Variants in CC2D2B observed in about 807,000 individuals in gnomAD.
The protein encoded by CC2D2B is protein CC2D2B.
Under a neutral mutation model 161.2 loss-of-function variants are expected in CC2D2B, and 128 were observed. The ratio of observed to expected loss-of-function variants is 0.79; its 90% CI spans 0.69 to 0.92. The LOEUF (loss-of-function observed/expected upper bound fraction) is 0.92, where lower values mean the gene tolerates loss of function less well. Ranked by LOEUF, CC2D2B falls within the 40% of genes least tolerant of loss-of-function variation. CC2D2B has a pLI of 0.00. For synonymous variants in CC2D2B, 391 were observed against 449.8 expected (o/e 0.87, Z 1.65); for missense variants, 1,173 against 1,375.1 (o/e 0.85, Z 2.32).
chr10:95,978,088 A>G (rs995276790), intron 17 of CC2D2B, among the ~76,000 whole-genome samples: 3 of 152,118 alleles, frequency 2.0e-5, no homozygotes, highest in Non-Finnish European at 2.9e-5. Context: ...TGTATCTTTA[A>G]CCTTAATAAA....
chr10:95,995,840 T>C (rs1342277840), intron 23 of CC2D2B, among the ~76,000 whole-genome samples: 1 of 152,268 alleles, frequency 6.6e-6, no homozygotes, highest in East Asian at 1.9e-4. Flanking sequence ...TGAATAATTT[T>C]CATACCTTAA....
chr10:95,927,214 C>A (rs548846364), intron 5 of CC2D2B, 23 bp from the exon 6 acceptor site: 12 of 1,333,914 alleles, frequency 9.0e-6, no homozygotes, highest in Non-Finnish European at 1.3e-5. Flanking sequence ...TTTATTTCAA[C>A]ACTAAATACT....
intron 24 of CC2D2B, 66 bp from the exon 25 acceptor site, chr10:96,004,086 G>C: frequency 1.1e-6 from 1 of 887,926 alleles, no homozygotes; most frequent in South Asian, 1.7e-5. Context: ...TTTATGAATA[G>C]TGCTCTTAGG....
chr10:96,024,872 T>C lies in CC2D2B; in HGVS notation c.3908T>C (p.Phe1303Ser). Residue 1303 changes from phenylalanine to serine, a missense_variant, in exon 33 of 35, where the codon TTT becomes TCT. Transcript: ENST00000646931. The part of the protein sequence containing the change: ...QSIQPEEIIY[F>S]ETDKSMVEDL... ...TTTCAGCCTGAAGAAATAATTTATTTTGAAACTGATAAAAGCATGGTAGAA... is the reference window on the plus strand; with the variant it reads ...TTTCAGCCTGAAGAAATAATTTATTCTGAAACTGATAAAAGCATGGTAGAA... The C allele has an allele frequency of 2.6e-6, 4 of 1,526,152 alleles. No individual in the cohort carries two copies. The highest frequency in any genetic ancestry group is 2.5e-5 in the East Asian group (1 of 40,452). The allele number at this position is 1,526,152 out of a possible 1,614,324, so 94.5% of individuals were successfully genotyped here. A position where few individuals can be genotyped will look rare whatever the true frequency, so the allele number is the denominator to read the frequency against.
chr10:95,937,484 A>G (rs2141263549), intron 6 of CC2D2B, among the ~76,000 whole-genome samples: 1 of 151,904 alleles, frequency 6.6e-6, no homozygotes, highest in Middle Eastern at 3.4e-3. Flanking sequence ...TTTCACTATA[A>G]TCACTCTACT....
At chr10:95,950,129 G>A in intron 10 of CC2D2B, 24 bp downstream of exon 10, 1 of 398,574 alleles carries the variant, frequency 2.5e-6, no homozygotes, top group Non-Finnish European at 4.4e-6. Flanking sequence ...TCATTATAAA[G>A]CTAAACATTT....
chr10:96,009,422 G>A (rs2078891351), intron 25 of CC2D2B, among the ~76,000 whole-genome samples: 1 of 151,986 alleles, frequency 6.6e-6, no homozygotes. Flanking sequence ...AGCTATAATT[G>A]TTTGTTTTCT....
At chr10:96,004,102 A>T (rs771035442) in intron 24 of CC2D2B, 50 bp from the exon 25 acceptor site, 3 of 1,056,268 alleles carry the variant, frequency 2.8e-6, no homozygotes, top group East Asian at 5.5e-5. Context: ...TTAGGAAATA[A>T]GTGGATTTTG....
rs375019961 is a variant in CC2D2B, at chr10:95,910,647, G to T, written c.-23-654G>T. Among the ~76,000 whole-genome samples, 704 of 152,302 alleles carry T rather than the reference G, an allele frequency of 4.6e-3. 3 individuals carry two copies. Among genetic ancestry groups the T allele is most frequent in the South Asian group, 0.013 (65 of 4,826 alleles). ...TCACATTTCAACATGAGATTTGGAG[G>T]AGACAAACATCCAAATAGATCTCTA... On this transcript the variant is annotated intron_variant, in intron 1 of 34. Transcript: ENST00000646931.
At chr10:95,957,920 C>A (rs181446342) in intron 11 of CC2D2B, among the ~76,000 whole-genome samples, 2,813 of 150,086 alleles carry the variant, frequency 0.019, 36 homozygotes, top group Middle Eastern at 0.055. Flanking sequence ...GAAAGGAGGA[C>A]AATGTGATTT....
intron 17 of CC2D2B, 146 bp from the exon 18 acceptor site, chr10:95,981,829 A>C (rs747349725): frequency 2.4e-6 from 1 of 414,518 alleles, no homozygotes. Context: ...TCAACTTTCT[A>C]TTCTATCCAT....
chr10:95,945,789 T>G (rs1371826611), intron 9 of CC2D2B, among the ~76,000 whole-genome samples: 1 of 148,834 alleles, frequency 6.7e-6, no homozygotes, highest in African/African-American at 2.5e-5. Flanking sequence ...TTTTTTTTTT[T>G]TTTTTTTTTT....
intron 30 of CC2D2B, among the ~76,000 whole-genome samples, chr10:96,018,295 A>G (rs965023548): frequency 2.0e-5 from 3 of 152,230 alleles, no homozygotes; most frequent in Non-Finnish European, 4.4e-5. Context: ...TAATAACAAC[A>G]TAATAACTAC....
Position 95,961,822 on chromosome 10 carries a change from G to A in CC2D2B, c.1110-7G>A. 8.1e-7 allele frequency: 1 copy of A among 1,231,208 alleles called. No homozygotes were observed. The highest frequency in any genetic ancestry group is 1.6e-5 in the African/African-American group (1 of 64,436). The allele number at this position is 1,231,208 out of a possible 1,614,324, so 76.3% of individuals were successfully genotyped here. A position where few individuals can be genotyped will look rare whatever the true frequency, so the allele number is the denominator to read the frequency against. On this transcript the variant is annotated splice_region_variant and splice_polypyrimidine_tract_variant and intron_variant, in intron 11 of 34. Coordinates refer to ENST00000646931, the MANE Select transcript of CC2D2B (RefSeq NM_001349008.3). ...GACAAATTTTTGCTCTGCCATTTTT[G>A]TTGTAGTAATACAAAACAGATGTAT...
rs1012333300 is a variant in CC2D2B at position 95,969,074 on chromosome 10, A to C, written c.1644+173A>C. Among the ~76,000 whole-genome samples the C allele has an allele frequency of 2.0e-5, 3 of 152,216 alleles. No homozygotes were observed. The South Asian group carries it at 6.2e-4, about 32-fold the overall frequency. ...ATGTATAATTCACCACTAGTCTTTTATGCTGTAAGTACAAAGTTATTTGAT... is the reference window on the plus strand; with the variant it reads ...ATGTATAATTCACCACTAGTCTTTTCTGCTGTAAGTACAAAGTTATTTGAT... On this transcript the variant is annotated intron_variant, in intron 15 of 34. Coordinates refer to ENST00000646931, the MANE Select transcript of CC2D2B (RefSeq NM_001349008.3).
intron 6 of CC2D2B, among the ~76,000 whole-genome samples, chr10:95,933,094 T>C (rs141395192): frequency 0.13 from 20,488 of 152,002 alleles, 1,465 homozygotes; most frequent in Middle Eastern, 0.2. Context: ...CATTCTTTTT[T>C]CTCTAATCTT....
At chr10:95,921,125 A>T (rs2098526324) in intron 2 of CC2D2B, 1 of 152,244 alleles carries the variant, frequency 6.6e-6, no homozygotes, top group African/African-American at 2.4e-5. Flanking sequence ...ACTGCCTTTC[A>T]AATTTATTAG....
chr10:96,014,967 T>C (rs961942170), intron 29 of CC2D2B, among the ~76,000 whole-genome samples: 1 of 152,162 alleles, frequency 6.6e-6, no homozygotes, highest in African/African-American at 2.4e-5. Flanking sequence ...GATTGGTAAA[T>C]AGTCATTGCC....
At chr10:95,912,746 A>G (rs531306413) in intron 2 of CC2D2B, among the ~76,000 whole-genome samples, 1 of 152,308 alleles carries the variant, frequency 6.6e-6, no homozygotes, top group South Asian at 2.1e-4. Context: ...ATACATGAAC[A>G]CTAAGAACTA....
Sources: allele counts gnomAD v4.1 joint callset (sites outside exome capture counted in the v4.1 genomes callset), GRCh38; gene constraint gnomAD v4.1.1; transcripts MANE v1.5; gene names NCBI Gene and HGNC (gene_info 2026-07-23, HGNC 2026-07-21).